AGAP1: variants seen among roughly 807,000 people sequenced by gnomAD.
AGAP1 encodes the protein ArfGAP with GTPase domain, ankyrin repeat and PH domain 1.
A neutral mutation model predicts 105.3 loss-of-function variants in AGAP1; 29 were observed. The ratio of observed to expected loss-of-function variants is 0.28; its 90% CI spans 0.21 to 0.38. The LOEUF (loss-of-function observed/expected upper bound fraction) is 0.38, where lower values mean the gene tolerates loss of function less well. Ranked by LOEUF, AGAP1 falls within the 10% of genes least tolerant of loss-of-function variation. AGAP1 has a pLI of 1.00. For missense variants in AGAP1, 998 were observed against 1,165.1 expected (o/e 0.86, Z 2.09); for synonymous variants, 509 against 485.9 (o/e 1.05, Z -0.63).
intron 16 of AGAP1, among the ~76,000 whole-genome samples, chr2:236,102,488 T>G (rs1406027731): frequency 7.2e-6 from 1 of 139,080 alleles, no homozygotes; most frequent in Non-Finnish European, 1.5e-5. Flanking sequence ...CTCAGGAGAC[T>G]GAGGCAGGAG....
intron 13 of AGAP1, among the ~76,000 whole-genome samples, chr2:235,997,174 C>T (rs2055853956): frequency 6.6e-6 from 1 of 152,230 alleles, no homozygotes; most frequent in African/African-American, 2.4e-5. Context: ...ACTGCAACTT[C>T]TGCCTCCCAG....
Position 235,751,722 on chromosome 2 carries a change from G to A in AGAP1, c.673+1234G>A, listed in dbSNP as rs186749028. 1.5e-3 allele frequency among the ~76,000 whole-genome samples: 233 copies of A among 152,208 alleles called. 1 individual carries two copies. The highest frequency in any genetic ancestry group is 2.3e-3 in the Non-Finnish European group (156 of 68,028). ...CTTTCTAAGCCTGCCGTCTCTTCCC[G>A]CGCATCTCTGCCTCTCAGATACTTA... On this transcript the variant is annotated intron_variant, in intron 6 of 17. Transcript: ENST00000304032. This position sits in a 1 kb window ranked among gnomAD's most constrained non-coding sequence, Gnocchi z 5.3.
At chr2:235,640,700 C>A (rs1947160956) in intron 1 of AGAP1, among the ~76,000 whole-genome samples, 1 of 152,206 alleles carries the variant, frequency 6.6e-6, no homozygotes, top group Non-Finnish European at 1.5e-5. Context: ...TTTTATTCCC[C>A]TGTCTTCTAT....
intron 13 of AGAP1, among the ~76,000 whole-genome samples, chr2:235,974,865 C>T (rs889684669): frequency 5.9e-5 from 9 of 152,258 alleles, no homozygotes; most frequent in Admixed American, 1.3e-4. Context: ...CCATGGGAGA[C>T]GTTGAGAAAT....
In AGAP1 at chr2:235,936,075, A is replaced by T. The variant is rs1412613270; in HGVS notation, c.1483+5152A>T. Among the ~76,000 whole-genome samples the T allele has an allele frequency of 1.3e-5, 2 of 152,158 alleles. No individual in the cohort carries two copies. The highest frequency in any genetic ancestry group is 4.8e-5 in the African/African-American group (2 of 41,440). On this transcript the variant is annotated intron_variant, in intron 12 of 17. Coordinates refer to ENST00000304032, the MANE Select transcript of AGAP1 (RefSeq NM_001037131.3). The surrounding 1 kb of genome is among the most constrained non-coding windows in gnomAD (Gnocchi z 4.7). ...CTCGCTCCCCCAGCCCTGGACTGTCAGGTTCTTCTGATAGCTCCACCCCAT... is the reference window on the plus strand; with the variant it reads ...CTCGCTCCCCCAGCCCTGGACTGTCTGGTTCTTCTGATAGCTCCACCCCAT...
Position 235,953,827 on chromosome 2 carries a change from G to A in AGAP1, c.1484-14635G>A, listed in dbSNP as rs1057481176. On this transcript the variant is annotated intron_variant, in intron 12 of 17. Coordinates refer to ENST00000304032, the MANE Select transcript of AGAP1 (RefSeq NM_001037131.3). This position sits in a 1 kb window ranked among gnomAD's most constrained non-coding sequence, Gnocchi z 5.2. ...GGTCCACGCTCCTTGGGAGGCTGAG[G>A]CAGGAGGATCGCTGGAGCCCCAGGA... Among the ~76,000 whole-genome samples the A allele has an allele frequency of 2.0e-5, 3 of 152,190 alleles. No individual in the cohort carries two copies. Among genetic ancestry groups the A allele is most frequent in the Non-Finnish European group, 2.9e-5 (2 of 68,048 alleles).
chr2:236,015,350 A>ACAGG (rs1459932957), intron 13 of AGAP1, among the ~76,000 whole-genome samples: 1 of 150,610 alleles, frequency 6.6e-6, no homozygotes, highest in Non-Finnish European at 1.5e-5. Flanking sequence ...GCTCTAATCC[A>ACAGG]CAGGCAGGCA....
intron 10 of AGAP1, among the ~76,000 whole-genome samples, chr2:235,892,617 C>T (rs1209648482): frequency 6.6e-6 from 1 of 151,940 alleles, no homozygotes; most frequent in Non-Finnish European, 1.5e-5. Context: ...AGAATAGCAG[C>T]TCGTGGCTGT....
In AGAP1 at chr2:235,583,484, G is replaced by A. The variant is rs558509600; in HGVS notation, c.163+88635G>A. Among the ~76,000 whole-genome samples the A allele has an allele frequency of 9.9e-5, 15 of 151,896 alleles. No homozygotes were observed. The South Asian group carries it at 3.1e-3, about 32-fold the overall frequency. ...TGGTTGTTGGCCTGATAGGAAGAGAGCATACTCAGCCTCATACTCAGCCTC... is the reference window on the plus strand; with the variant it reads ...TGGTTGTTGGCCTGATAGGAAGAGAACATACTCAGCCTCATACTCAGCCTC... On this transcript the variant is annotated intron_variant, in intron 1 of 17. Transcript: ENST00000304032.
In AGAP1 at chr2:236,002,688, C is replaced by A. The variant is rs2056173298; in HGVS notation, c.1646-33873C>A. 6.6e-6 allele frequency among the ~76,000 whole-genome samples: 1 copy of A among 152,070 alleles called. No homozygotes were observed. Among genetic ancestry groups the A allele is most frequent in the Admixed American group, 6.5e-5 (1 of 15,270 alleles). ...CACTTAAACATTTAAAGGGGGGACA[C>A]AGAGATGGGCAGGACTGTGAGAGTC... is the stretch of plus-strand genomic sequence containing the variant. On this transcript the variant is annotated intron_variant, in intron 13 of 17. Transcript: ENST00000304032. This position sits in a 1 kb window ranked among gnomAD's most constrained non-coding sequence, Gnocchi z 4.3.
chr2:235,952,206 AAGTT>A lies in AGAP1; in HGVS notation c.1484-16253_1484-16250del, dbSNP rs1338650272. On this transcript the variant is annotated intron_variant, in intron 12 of 17. Transcript: ENST00000304032. ...ATAATATCTAGTTTTCAAGCAGAGG[AAGTT>A]AGAGGTGAACCGCAGCCTCAGAATC... Among the ~76,000 whole-genome samples the A allele has an allele frequency of 2.0e-5, 3 of 152,060 alleles. No individual in the cohort carries two copies. In the East Asian group the frequency reaches 5.8e-4, roughly 29 times the overall value.
At chr2:235,640,303 A>G (rs1159722624) in intron 1 of AGAP1, among the ~76,000 whole-genome samples, 4 of 152,246 alleles carry the variant, frequency 2.6e-5, no homozygotes, top group African/African-American at 7.2e-5. Flanking sequence ...TTAAAAGAGA[A>G]AATGATCTCT....
intron 1 of AGAP1, among the ~76,000 whole-genome samples, chr2:235,589,753 T>C (rs1452312731): frequency 6.6e-6 from 1 of 152,052 alleles, no homozygotes; most frequent in African/African-American, 2.4e-5. Flanking sequence ...GTCATTTTAG[T>C]GTTTGTGTAG....
chr2:235,875,912 C>T lies in AGAP1; in HGVS notation c.1051-7433C>T, dbSNP rs1398302212. On this transcript the variant is annotated intron_variant, in intron 9 of 17. Coordinates refer to ENST00000304032, the MANE Select transcript of AGAP1 (RefSeq NM_001037131.3). The surrounding 1 kb of genome is among the most constrained non-coding windows in gnomAD (Gnocchi z 4.0). ...TTTATTTCATTTTAAAAACTCAATG[C>T]ATTGTTTGTTTATATTTAACATGGA... is the stretch of plus-strand genomic sequence containing the variant. Among the ~76,000 whole-genome samples the T allele has an allele frequency of 6.6e-6, 1 of 152,152 alleles. No homozygotes were observed. Among genetic ancestry groups the T allele is most frequent in the East Asian group, 1.9e-4 (1 of 5,200 alleles).
intron 9 of AGAP1, among the ~76,000 whole-genome samples, chr2:235,870,486 C>T (rs573760960): frequency 2.0e-5 from 3 of 152,266 alleles, no homozygotes; most frequent in African/African-American, 7.2e-5. Flanking sequence ...ATTAGCCAGG[C>T]ATGGTGGCAC....
chr2:235,808,442 C>T (rs950947185), intron 9 of AGAP1, among the ~76,000 whole-genome samples: 9 of 152,126 alleles, frequency 5.9e-5, no homozygotes, highest in Admixed American at 3.3e-4. Flanking sequence ...CAAATAGGAA[C>T]GCAGCCTTAG....
At chr2:235,745,117 A>G (rs552358133) in intron 5 of AGAP1, among the ~76,000 whole-genome samples, 1 of 152,224 alleles carries the variant, frequency 6.6e-6, no homozygotes, top group South Asian at 2.1e-4. Flanking sequence ...AAAAAAATAT[A>G]TATGTGTGTG....
At position 235,936,738 on chromosome 2, in the gene AGAP1, G is replaced by A. The variant is rs558037871; in HGVS notation, c.1483+5815G>A. On this transcript the variant is annotated intron_variant, in intron 12 of 17. Coordinates refer to ENST00000304032, the MANE Select transcript of AGAP1 (RefSeq NM_001037131.3). This position sits in a 1 kb window ranked among gnomAD's most constrained non-coding sequence, Gnocchi z 4.7. ...TTTGATGGGAGGGTATCAGTGAAGC[G>A]TGGTGGGGAGGAAATACATGTGTTG... Among the ~76,000 whole-genome samples, 15 of 152,296 alleles carry A rather than the reference G, an allele frequency of 9.8e-5. No individual in the cohort carries two copies. Among genetic ancestry groups the A allele is most frequent in the South Asian group, 2.1e-4 (1 of 4,830 alleles).
chr2:235,838,784 G>A (rs144165001), intron 9 of AGAP1, among the ~76,000 whole-genome samples: 1 of 152,246 alleles, frequency 6.6e-6, no homozygotes, highest in African/African-American at 2.4e-5. Flanking sequence ...CAACCTTCTA[G>A]TATTTTCTAC....
Sources: allele counts gnomAD v4.1 joint callset (sites outside exome capture counted in the v4.1 genomes callset), GRCh38; gene constraint gnomAD v4.1.1; non-coding constraint Gnocchi (gnomAD v3.1); transcripts MANE v1.5; gene names NCBI Gene and HGNC (gene_info 2026-07-23, HGNC 2026-07-21).